Variants in TRIM33 observed in about 807,000 individuals in gnomAD.
TRIM33 encodes the protein tripartite motif containing 33, also known as E3 ubiquitin-protein ligase TRIM33.
Under a neutral mutation model 125.4 loss-of-function variants are expected in TRIM33, and 20 were observed. The ratio of observed to expected loss-of-function variants is 0.16; its 90% confidence interval spans 0.11 to 0.23. TRIM33 has a LOEUF of 0.23. Among genes scored for constraint, TRIM33 ranks in the 10% least tolerant of loss-of-function variants. The pLI, the probability that TRIM33 is intolerant of heterozygous loss-of-function variation, is 1.00. For missense variants in TRIM33, 920 were observed against 1,411.4 expected, an observed-to-expected ratio of 0.65 and a Z score of 5.58; for synonymous variants, 564 against 513.9, an observed-to-expected ratio of 1.10 and a Z score of -1.32.
chr1:114,494,208 G>A (rs945963487), intron 1 of TRIM33, among the ~76,000 whole-genome samples: 1 of 151,924 alleles, frequency 6.6e-6, no homozygotes. Context: ...TGATCCTCCT[G>A]CCTCAGGCTC....
rs559080060 is a variant in TRIM33 at position 114,496,565 on chromosome 1, G to A, written c.526+13986C>T. ...AGGTTGTTTAGGAAAAAAGTATCAAGGATAGTATGTAGGTATTTACATAAT... is the reference window on the plus strand; with the variant it reads ...AGGTTGTTTAGGAAAAAAGTATCAAAGATAGTATGTAGGTATTTACATAAT... On this transcript the variant is annotated intron_variant, in intron 1 of 19. Transcript: ENST00000358465. Among the ~76,000 whole-genome samples, 79 of 152,232 alleles carry A rather than the reference G, an allele frequency of 5.2e-4. 1 individual carries two copies. Among genetic ancestry groups the A allele is most frequent in the African/African-American group, 1.8e-3 (76 of 41,534 alleles).
intron 13 of TRIM33, 48 bp downstream of exon 13, chr1:114,408,627 TTG>T (rs1652394923): frequency 2.6e-6 from 3 of 1,173,418 alleles, no homozygotes; most frequent in Non-Finnish European, 2.5e-6. Context: ...TTATACATAT[TTG>T]CTATTTTTCT....
At position 114,405,720 on chromosome 1, in the gene TRIM33, T is replaced by C. The variant is rs1267755348; in HGVS notation, c.2458A>G (p.Thr820Ala). Residue 820 changes from threonine (T) to alanine (A), a missense_variant, in exon 15 of 20, where the codon ACC becomes GCC. By Grantham distance (58) the Thr-to-Ala change is moderately conservative. This residue lies in a region of TRIM33 where 407 missense variants were observed against 589.7 expected (regional missense o/e 0.69). Coordinates refer to ENST00000358465, the MANE Select transcript of TRIM33 (RefSeq NM_015906.4). ...PESSLTPPLS[T>A]NLHLESELDA... is the part of the protein sequence containing the mutation. ...AATTCACTTTCTAGATGCAGGTTGGTTGAGAGAGGTGGTGTCAAGCTACTC... is the reference window on the plus strand; with the variant it reads ...AATTCACTTTCTAGATGCAGGTTGGCTGAGAGAGGTGGTGTCAAGCTACTC... 1.2e-6 allele frequency: 2 copies of C among 1,614,158 alleles called. No individual in the cohort carries two copies. The highest frequency in any genetic ancestry group is 3.3e-5 in the Admixed American group (2 of 60,024).
At chr1:114,488,735 C>T (rs1025464700) in intron 1 of TRIM33, among the ~76,000 whole-genome samples, 3 of 152,146 alleles carry the variant, frequency 2.0e-5, no homozygotes, top group Admixed American at 2.0e-4. Context: ...TGCACTCCAA[C>T]CTGGGCAACA....
chr1:114,461,277 ATTATTAT>A (rs1649977226), intron 4 of TRIM33, among the ~76,000 whole-genome samples: 1 of 142,868 alleles, frequency 7.0e-6, no homozygotes, highest in African/African-American at 2.6e-5. Context: ...TTATATATTT[ATTATTAT>A]TATATATTTA....
chr1:114,445,946 C>A (rs1353815857), intron 4 of TRIM33, among the ~76,000 whole-genome samples: 1 of 152,154 alleles, frequency 6.6e-6, no homozygotes, highest in Non-Finnish European at 1.5e-5. Context: ...CAACCTCCGC[C>A]TCCTGGGTTC....
At position 114,510,935 on chromosome 1, in the gene TRIM33, C is replaced by T. The variant is rs1472823321; in HGVS notation, c.142G>A (p.Glu48Lys). 7.0e-7 allele frequency: 1 copy of T among 1,418,646 alleles called. No individual in the cohort carries two copies. Among genetic ancestry groups the T allele is most frequent in the South Asian group, 1.4e-5 (1 of 69,016 alleles). 87.9% of individuals were successfully genotyped at this position (1,418,646 alleles called of 1,614,324 possible). The change falls in exon 1 of 20, where the codon GAG becomes AAG. Residue 48 changes from glutamate (E) to lysine (K), a missense_variant. Glu to Lys is a moderately conservative substitution (Grantham distance 56). Around this residue, in one of 8 missense-constraint regions of TRIM33, gnomAD observed 233 missense variants for 189.6 expected, o/e 1.23. Transcript: ENST00000358465. ...TCAGCGCCGGCCCTGCCGCCTTCCT[C>T]CTCCTCCTCCTCCACCAGCACCGCG... ...LTAVLVEEEE[E>K]EGGRAGAEGG...
rs1651485584 is a variant in TRIM33, at chr1:114,395,310, T to C, written c.*2338A>G. The C allele has an allele frequency of 4.9e-6, 1 of 204,588 alleles. No individual in the cohort carries two copies. The highest frequency in any genetic ancestry group is 1.9e-4 in the South Asian group (1 of 5,272). The allele number at this position is 204,588 out of a possible 1,614,324, so 12.7% of individuals were successfully genotyped here. A position where few individuals can be genotyped will look rare whatever the true frequency, so the allele number is the denominator to read the frequency against. Reference sequence around the variant, plus strand: ...GACAAAAAAGTGGCTTTTAAATTGCTTTAACCAATCTTAAAACCAAAAAAA... The same window carrying C: ...GACAAAAAAGTGGCTTTTAAATTGCCTTAACCAATCTTAAAACCAAAAAAA... On this transcript the variant is annotated 3_prime_UTR_variant, in exon 20 of 20. Coordinates refer to ENST00000358465, the MANE Select transcript of TRIM33 (RefSeq NM_015906.4).
rs58764175 is a variant in TRIM33 at position 114,397,590 on chromosome 1, T to TG, written c.*57_*58insC. 3.4e-6 allele frequency: 2 copies of TG among 582,176 alleles called. No individual in the cohort carries two copies. Among genetic ancestry groups the TG allele is most frequent in the East Asian group, 7.1e-5 (1 of 14,000 alleles). The allele number at this position is 582,176 out of a possible 1,614,324, so 36.1% of individuals were successfully genotyped here. On this transcript the variant is annotated 3_prime_UTR_variant, in exon 20 of 20. Coordinates refer to ENST00000358465, the MANE Select transcript of TRIM33 (RefSeq NM_015906.4). ...TTAAAAGTTTTCTGGGTTTTTTGTGTTTTTTTTTTTTTTTTCGTTTTTTTT... is the reference window on the plus strand; with the variant it reads ...TTAAAAGTTTTCTGGGTTTTTTGTGTGTTTTTTTTTTTTTTTCGTTTTTTTT...
chr1:114,458,089 A>C (rs1209627011), intron 4 of TRIM33, among the ~76,000 whole-genome samples: 1 of 152,172 alleles, frequency 6.6e-6, no homozygotes, highest in Non-Finnish European at 1.5e-5. Context: ...TAACTATGGG[A>C]GGAATTTATT....
At chr1:114,400,959 G>A (rs1264572986) in intron 17 of TRIM33, among the ~76,000 whole-genome samples, 4 of 151,618 alleles carry the variant, frequency 2.6e-5, no homozygotes, top group Non-Finnish European at 5.9e-5. Flanking sequence ...GAAAACTTGA[G>A]TCTTAGAGAG....
At chr1:114,481,200 T>G (rs1651311573) in intron 1 of TRIM33, among the ~76,000 whole-genome samples, 1 of 150,772 alleles carries the variant, frequency 6.6e-6, no homozygotes, top group Non-Finnish European at 1.5e-5. Context: ...AAAAAGATTC[T>G]CAAAGCATAT....
At chr1:114,510,422 T>C in intron 1 of TRIM33, 129 bp downstream of exon 1, 1 of 842,922 alleles carries the variant, frequency 1.2e-6, no homozygotes, top group Non-Finnish European at 1.7e-6. Flanking sequence ...GGGCGAGTCT[T>C]TCACCTTAGA....
chr1:114,458,050 C>G (rs1216328228), intron 4 of TRIM33, among the ~76,000 whole-genome samples: 2 of 152,234 alleles, frequency 1.3e-5, no homozygotes, highest in South Asian at 2.1e-4. Flanking sequence ...CACAAGCTGT[C>G]TTTGCTCATT....
chr1:114,448,253 G>A (rs1649111021), intron 4 of TRIM33, among the ~76,000 whole-genome samples: 1 of 152,212 alleles, frequency 6.6e-6, no homozygotes, highest in Non-Finnish European at 1.5e-5. Context: ...TAACAGAAAT[G>A]TAGAAATATG....
intron 1 of TRIM33, among the ~76,000 whole-genome samples, chr1:114,475,562 A>G (rs1343891229): frequency 2.6e-5 from 4 of 152,194 alleles, no homozygotes; most frequent in Non-Finnish European, 4.4e-5. Context: ...GGGCACCTGT[A>G]GTCCCAGCTA....
In TRIM33 at chr1:114,395,483, T is replaced by A; in HGVS notation, c.*2165A>T. The A allele has an allele frequency of 5.0e-6, 1 of 199,200 alleles. No homozygotes were observed. The highest frequency in any genetic ancestry group is 1.0e-5 in the Non-Finnish European group (1 of 96,290). The allele number at this position is 199,200 out of a possible 1,614,324, so 12.3% of individuals were successfully genotyped here. On this transcript the variant is annotated 3_prime_UTR_variant, in exon 20 of 20. Coordinates refer to ENST00000358465, the MANE Select transcript of TRIM33 (RefSeq NM_015906.4). Reference sequence around the variant, plus strand: ...ATTATCTACAATTTTTTTAAAAGGATCCATTTGAAGAGCAATACAAAATAT... The same window carrying A: ...ATTATCTACAATTTTTTTAAAAGGAACCATTTGAAGAGCAATACAAAATAT...
chr1:114,464,490 G>T, intron 1 of TRIM33, 102 bp from the exon 2 acceptor site: 1 of 618,032 alleles, frequency 1.6e-6, no homozygotes, highest in African/African-American at 1.9e-5. Flanking sequence ...GAAGACCAAA[G>T]AAATGAGCAT....
At position 114,510,805 on chromosome 1, in the gene TRIM33, C is replaced by T; in HGVS notation, c.272G>A (p.Gly91Glu). 1 of 1,519,342 alleles carries T rather than the reference C, an allele frequency of 6.6e-7. No homozygotes were observed. The highest frequency in any genetic ancestry group is 8.8e-7 in the Non-Finnish European group (1 of 1,139,746). The allele number at this position is 1,519,342 out of a possible 1,614,324, so 94.1% of individuals were successfully genotyped here. ...PAASVGTGVA[G>E]GAVSTPAPAP... ...TGGAGCCGGCGTCGATACTGCGCCC[C>T]CGGCAACTCCAGTGCCCACTGAGGC... The change falls in exon 1 of 20, where the codon GGG (glycine) becomes GAG (glutamate). Residue 91 changes from glycine (G) to glutamate (E), a missense_variant. This residue lies in a region of TRIM33 where 233 missense variants were observed against 189.6 expected (regional missense o/e 1.23). Coordinates refer to ENST00000358465, the MANE Select transcript of TRIM33 (RefSeq NM_015906.4).
Sources: allele counts gnomAD v4.1 joint callset (sites outside exome capture counted in the v4.1 genomes callset), GRCh38; gene constraint gnomAD v4.1.1; regional missense constraint gnomAD v4.1.1; transcripts MANE v1.5; gene names NCBI Gene and HGNC (gene_info 2026-07-23, HGNC 2026-07-21).